The following HIRA variants were observed in gnomAD, a reference collection of about 807,000 sequenced individuals.
The protein encoded by HIRA is histone cell cycle regulator.
A neutral mutation model predicts 126.6 loss-of-function variants in HIRA; 13 were observed. The observed-to-expected ratio is 0.10, with a 90% CI of 0.07 to 0.16. The LOEUF (loss-of-function observed/expected upper bound fraction) is 0.16, where lower values mean the gene tolerates loss of function less well. HIRA is among the 10% of genes least tolerant of loss of function. HIRA has a pLI of 1.00. For missense variants in HIRA, 834 were observed against 1,314.4 expected, an observed-to-expected ratio of 0.63 and a Z score of 5.65; for synonymous variants, 511 against 520.0, an observed-to-expected ratio of 0.98 and a Z score of 0.24.
chr22:19,392,009 G>GC (rs747099087), intron 9 of HIRA, 92 bp downstream of exon 9: 280 of 669,002 alleles, frequency 4.2e-4, no homozygotes, highest in Admixed American at 2.5e-3. Flanking sequence ...TACACTCTTA[G>GC]CATCACCCAA....
At position 19,355,069 on chromosome 22, in the gene HIRA, A is replaced by AT. The variant is rs201104185; in HGVS notation, c.2561+690dup. Reference sequence around the variant, plus strand: ...AGGTGTGAGCCATCGCACCCAGCAGATTTTTTTTTTCCAAATTCAAGAAAG... The same window carrying AT: ...AGGTGTGAGCCATCGCACCCAGCAGATTTTTTTTTTTCCAAATTCAAGAAAG... On this transcript the variant is annotated intron_variant, in intron 21 of 24. Coordinates refer to ENST00000263208, the MANE Select transcript of HIRA (RefSeq NM_003325.4). 1.4e-4 allele frequency among the ~76,000 whole-genome samples: 21 copies of AT among 150,280 alleles called. No homozygotes were observed. The South Asian group carries it at 2.1e-3, about 15-fold the overall frequency.
At chr22:19,350,520 C>T (rs2088744323) in intron 24 of HIRA, among the ~76,000 whole-genome samples, 1 of 152,224 alleles carries the variant, frequency 6.6e-6, no homozygotes, top group South Asian at 2.1e-4. Flanking sequence ...AACCACCCAT[C>T]AAATCTTATT....
rs782184681 is a variant in HIRA, at chr22:19,356,304, G to T, written c.2397-16C>A. Reference sequence around the variant, plus strand: ...GTGAACATCCCTAGGAGGGAGACAGGGAACAGTTTACTCACCAACCCAGGT... The same window carrying T: ...GTGAACATCCCTAGGAGGGAGACAGTGAACAGTTTACTCACCAACCCAGGT... On this transcript the variant is annotated splice_polypyrimidine_tract_variant and intron_variant, in intron 19 of 24. Transcript: ENST00000263208. The T allele has an allele frequency of 2.5e-6, 4 of 1,612,728 alleles. No homozygotes were observed. Among genetic ancestry groups the T allele is most frequent in the Non-Finnish European group, 2.5e-6 (3 of 1,178,972 alleles).
intron 8 of HIRA, among the ~76,000 whole-genome samples, chr22:19,393,998 T>C (rs1393159143): frequency 6.6e-6 from 1 of 152,140 alleles, no homozygotes; most frequent in Non-Finnish European, 1.5e-5. Flanking sequence ...GGCATGGCCT[T>C]GCACCTGTGG....
intron 5 of HIRA, among the ~76,000 whole-genome samples, chr22:19,398,813 C>T (rs1049207589): frequency 6.6e-6 from 1 of 152,026 alleles, no homozygotes; most frequent in African/African-American, 2.4e-5. Context: ...CCTATCTCTA[C>T]AAAAAATTGG....
At position 19,393,396 on chromosome 22, in the gene HIRA, C is replaced by T. The variant is rs111808688; in HGVS notation, c.822+946G>A. The stretch of plus-strand genomic sequence containing the variant: ...TTTTTGAGACGGAGTCTCGCTCTGT[C>T]GCCCAGGCTGGAGTACGGTGGCGCA... On this transcript the variant is annotated intron_variant, in intron 8 of 24. Transcript: ENST00000263208. 2.8e-3 allele frequency among the ~76,000 whole-genome samples: 426 copies of T among 152,042 alleles called. 4 individuals are homozygous for T. Among genetic ancestry groups the T allele is most frequent in the East Asian group, 0.018 (91 of 5,174 alleles).
At chr22:19,345,069 G>A (rs781790049) in intron 24 of HIRA, among the ~76,000 whole-genome samples, 2 of 152,118 alleles carry the variant, frequency 1.3e-5, no homozygotes, top group Non-Finnish European at 2.9e-5. Context: ...TTAATATCAG[G>A]AACAAGAGAA....
chr22:19,355,875 G>C lies in HIRA; in HGVS notation c.2456-10C>G, dbSNP rs782575556. Reference sequence around the variant, plus strand: ...ACCGTCATATCACTTCCTGAGGACAGCATGGGAATGAGTTCTGGGTGTGCT... The same window carrying C: ...ACCGTCATATCACTTCCTGAGGACACCATGGGAATGAGTTCTGGGTGTGCT... On this transcript the variant is annotated splice_polypyrimidine_tract_variant and intron_variant, in intron 20 of 24. Transcript: ENST00000263208. 1.9e-6 allele frequency: 3 copies of C among 1,580,294 alleles called. No individual in the cohort carries two copies. The highest frequency in any genetic ancestry group is 2.7e-5 in the African/African-American group (2 of 74,296).
intron 9 of HIRA, among the ~76,000 whole-genome samples, chr22:19,391,483 C>CTTT (rs574374874): frequency 7.3e-6 from 1 of 137,782 alleles, no homozygotes; most frequent in Admixed American, 7.2e-5. Context: ...TTTTCTTTTT[C>CTTT]TTTTTTTTTT....
intron 2 of HIRA, among the ~76,000 whole-genome samples, chr22:19,409,573 G>A (rs1306425440): frequency 1.3e-5 from 2 of 152,126 alleles, no homozygotes; most frequent in South Asian, 2.1e-4. Flanking sequence ...GTGAGCCACC[G>A]TGCCCAGCCT....
intron 13 of HIRA, among the ~76,000 whole-genome samples, chr22:19,382,493 G>C (rs1354107766): frequency 6.6e-6 from 1 of 152,192 alleles, no homozygotes; most frequent in Non-Finnish European, 1.5e-5. Flanking sequence ...AGCAGACCTG[G>C]TTCTTGCTCT....
intron 5 of HIRA, among the ~76,000 whole-genome samples, chr22:19,402,819 C>A (rs1309078118): frequency 6.6e-6 from 1 of 152,074 alleles, no homozygotes; most frequent in Non-Finnish European, 1.5e-5. Flanking sequence ...AAGGAAATAG[C>A]TTTAGGACAG....
chr22:19,411,307 T>C (rs939902179), intron 1 of HIRA, among the ~76,000 whole-genome samples: 1 of 152,276 alleles, frequency 6.6e-6, no homozygotes. Flanking sequence ...TCACAGTTTG[T>C]ACTCTATGTT....
At chr22:19,341,211 GA>G (rs1460589195) in intron 24 of HIRA, among the ~76,000 whole-genome samples, 1 of 152,088 alleles carries the variant, frequency 6.6e-6, no homozygotes, top group Non-Finnish European at 1.5e-5. Flanking sequence ...AGCACTTTGG[GA>G]GGCTAAAATG....
intron 11 of HIRA, 71 bp from the exon 12 acceptor site, chr22:19,385,807 C>T: frequency 7.1e-7 from 1 of 1,417,544 alleles, no homozygotes; most frequent in Non-Finnish European, 9.8e-7. Context: ...CACCAGCAGG[C>T]AAACTACAGC....
At chr22:19,420,398 C>T (rs759620087) in intron 1 of HIRA, among the ~76,000 whole-genome samples, 2 of 139,016 alleles carry the variant, frequency 1.4e-5, no homozygotes, top group Admixed American at 7.6e-5. Flanking sequence ...CTCGGGAGGT[C>T]GAGGCTGCAG....
chr22:19,429,133 CTTTTTTTTTTTTTTT>C (rs57853722), intron 1 of HIRA, among the ~76,000 whole-genome samples: 1 of 77,244 alleles, frequency 1.3e-5, no homozygotes, highest in Non-Finnish European at 2.3e-5. Flanking sequence ...GTTGCCATAT[CTTTTTTTTTTTTTTT>C]TTTTTTTTTT....
intron 17 of HIRA, among the ~76,000 whole-genome samples, chr22:19,359,959 A>G (rs565056583): frequency 1.3e-5 from 2 of 152,256 alleles, no homozygotes; most frequent in South Asian, 2.1e-4. Flanking sequence ...AAAACCCCCA[A>G]AGGGGCTCTC....
chr22:19,410,208 T>C (rs899700684), intron 2 of HIRA, among the ~76,000 whole-genome samples: 11 of 152,220 alleles, frequency 7.2e-5, no homozygotes, highest in African/African-American at 2.4e-4. Context: ...ATAAGGGCAA[T>C]ACTACCAATA....
Sources: gnomAD v4.1 joint callset for allele counts (sites outside exome capture counted in the v4.1 genomes callset) on GRCh38, gnomAD v4.1.1 for gene constraint, MANE v1.5 for transcripts, NCBI Gene and HGNC (gene_info 2026-07-23, HGNC 2026-07-21) for gene names.